Variants in NR3C2 observed in about 807,000 individuals in gnomAD.
NR3C2 encodes the protein nuclear receptor subfamily 3 group C member 2.
NR3C2 carries 15 observed loss-of-function variants against 86.4 expected under a neutral mutation model. That is an observed-to-expected ratio of 0.17 (90% CI 0.12 to 0.27). The LOEUF (loss-of-function observed/expected upper bound fraction) is 0.27. Among genes scored for constraint, NR3C2 ranks in the 10% least tolerant of loss-of-function variants. The pLI is 1.00. For synonymous variants in NR3C2, 458 were observed against 450.5 expected, an observed-to-expected ratio of 1.02 and a Z score of -0.21; for missense variants, 960 against 1,195.6, an observed-to-expected ratio of 0.80 and a Z score of 2.91.
At chr4:148,149,215 G>A (rs1358870329) in intron 6 of NR3C2, among the ~76,000 whole-genome samples, 1 of 152,118 alleles carries the variant, frequency 6.6e-6, no homozygotes, top group Non-Finnish European at 1.5e-5. Context: ...AGAACAAAAT[G>A]TTCATTCTAA....
In NR3C2 at chr4:148,081,208, C is replaced by T; in HGVS notation, c.*136G>A. 1 of 1,278,656 alleles carries T rather than the reference C, an allele frequency of 7.8e-7. No homozygotes were observed. Among genetic ancestry groups the T allele is most frequent in the East Asian group, 2.5e-5 (1 of 39,994 alleles). 79.2% of individuals were successfully genotyped at this position (1,278,656 alleles called of 1,614,324 possible). A position where few individuals can be genotyped will look rare whatever the true frequency, so the allele number is the denominator to read the frequency against. On this transcript the variant is annotated 3_prime_UTR_variant, in exon 9 of 9. Coordinates refer to ENST00000358102, the MANE Select transcript of NR3C2 (RefSeq NM_000901.5). ...AGCTTTCCCGGCTCCAAACCTCTGA[C>T]ATGACTTTAAACTTGAGAAACTGTT...
intron 6 of NR3C2, among the ~76,000 whole-genome samples, chr4:148,135,926 G>A (rs1160299462): frequency 7.6e-6 from 1 of 131,360 alleles, no homozygotes; most frequent in South Asian, 2.5e-4. Context: ...GCATAGTGGC[G>A]GGCGCCTGTA....
intron 3 of NR3C2, among the ~76,000 whole-genome samples, chr4:148,242,912 CTAACT>C (rs2149850488): frequency 6.6e-6 from 1 of 151,716 alleles, no homozygotes; most frequent in South Asian, 2.1e-4. Flanking sequence ...CTCAATGAGA[CTAACT>C]TAACACACAA....
At chr4:148,096,873 G>A (rs1402104288) in intron 8 of NR3C2, among the ~76,000 whole-genome samples, 2 of 152,262 alleles carry the variant, frequency 1.3e-5, no homozygotes, top group Non-Finnish European at 2.9e-5. Flanking sequence ...TAGTTACTAC[G>A]TGGCGCACTA....
At chr4:148,183,572 GTGA>G (rs1382422501) in intron 4 of NR3C2, among the ~76,000 whole-genome samples, 3 of 152,168 alleles carry the variant, frequency 2.0e-5, no homozygotes, top group African/African-American at 7.2e-5. Flanking sequence ...CTGATGACCA[GTGA>G]TGATGATTTT....
intron 2 of NR3C2, among the ~76,000 whole-genome samples, chr4:148,316,540 A>G (rs373060549): frequency 3.3e-5 from 5 of 152,318 alleles, no homozygotes; most frequent in East Asian, 3.9e-4. Context: ...TCAATAAGTT[A>G]TCTGTGAACA....
At chr4:148,365,663 ACAG>A (rs1402930142) in intron 2 of NR3C2, among the ~76,000 whole-genome samples, 4 of 152,224 alleles carry the variant, frequency 2.6e-5, no homozygotes, top group Non-Finnish European at 4.4e-5. Context: ...ACTGTAATTT[ACAG>A]TAGTGATGAA....
intron 2 of NR3C2, among the ~76,000 whole-genome samples, chr4:148,288,499 A>G (rs1741640987): frequency 6.6e-6 from 1 of 152,180 alleles, no homozygotes; most frequent in Non-Finnish European, 1.5e-5. Flanking sequence ...GGTGACATAA[A>G]TGCCAATGAG....
At chr4:148,143,997 G>A (rs1380758273) in intron 6 of NR3C2, among the ~76,000 whole-genome samples, 1 of 145,584 alleles carries the variant, frequency 6.9e-6, no homozygotes, top group East Asian at 2.1e-4. Flanking sequence ...GAGTTAGGAA[G>A]TGTCCCCTCA....
intron 2 of NR3C2, among the ~76,000 whole-genome samples, chr4:148,344,582 A>G (rs1422004080): frequency 6.6e-6 from 1 of 152,160 alleles, no homozygotes; most frequent in Non-Finnish European, 1.5e-5. Flanking sequence ...AGCTGCTATT[A>G]GCAGGAGCTG....
intron 6 of NR3C2, among the ~76,000 whole-genome samples, chr4:148,122,943 C>A (rs182765796): frequency 1.7e-3 from 252 of 152,290 alleles, no homozygotes; most frequent in Non-Finnish European, 3.1e-3. Flanking sequence ...CAAGGGAAGA[C>A]AACCAAAAGG....
intron 2 of NR3C2, among the ~76,000 whole-genome samples, chr4:148,318,173 A>G (rs1320554433): frequency 2.0e-5 from 3 of 151,040 alleles, no homozygotes; most frequent in Non-Finnish European, 4.4e-5. Context: ...ATGATTTCCA[A>G]TTTCATCCAT....
At chr4:148,131,675 T>G (rs894166622) in intron 6 of NR3C2, among the ~76,000 whole-genome samples, 1 of 152,218 alleles carries the variant, frequency 6.6e-6, no homozygotes, top group Non-Finnish European at 1.5e-5. Context: ...CACCTGAGAA[T>G]GCTATTGTGG....
intron 2 of NR3C2, among the ~76,000 whole-genome samples, chr4:148,339,664 A>G (rs1200320331): frequency 6.6e-6 from 1 of 152,154 alleles, no homozygotes; most frequent in Non-Finnish European, 1.5e-5. Flanking sequence ...AATATAAAAG[A>G]GAGAGGAAAA....
At chr4:148,100,529 C>T (rs1441412241) in intron 8 of NR3C2, among the ~76,000 whole-genome samples, 2 of 152,190 alleles carry the variant, frequency 1.3e-5, no homozygotes, top group African/African-American at 4.8e-5. Flanking sequence ...TACCACTTCA[C>T]AAGCATGAAG....
At chr4:148,426,771 C>T (rs970678320) in intron 2 of NR3C2, among the ~76,000 whole-genome samples, 2 of 152,144 alleles carry the variant, frequency 1.3e-5, no homozygotes, top group African/African-American at 4.8e-5. Flanking sequence ...ACCAGTCTAA[C>T]AGCATCCACA....
intron 2 of NR3C2, among the ~76,000 whole-genome samples, chr4:148,356,378 T>G (rs1458341168): frequency 1.4e-4 from 21 of 152,188 alleles, no homozygotes; most frequent in Non-Finnish European, 1.5e-5. Flanking sequence ...GGAAGAAAAC[T>G]ATATGAATGT....
At chr4:148,261,140 C>T (rs539122601) in intron 2 of NR3C2, among the ~76,000 whole-genome samples, 38 of 152,304 alleles carry the variant, frequency 2.5e-4, no homozygotes, top group Middle Eastern at 3.4e-3. Context: ...AGCAACACTT[C>T]ATAAAGTAGA....
At chr4:148,328,515 A>C (rs541741244) in intron 2 of NR3C2, among the ~76,000 whole-genome samples, 1 of 152,300 alleles carries the variant, frequency 6.6e-6, no homozygotes, top group African/African-American at 2.4e-5. Context: ...AATGGTAACC[A>C]ACTCAGGTTG....
Sources: allele counts gnomAD v4.1 joint callset (sites outside exome capture counted in the v4.1 genomes callset), GRCh38; gene constraint gnomAD v4.1.1; transcripts MANE v1.5; gene names NCBI Gene and HGNC (gene_info 2026-07-23, HGNC 2026-07-21).